CDK13: variants seen among roughly 807,000 people sequenced by gnomAD.
CDK13 encodes cyclin dependent kinase 13.
Under a neutral mutation model 137.6 loss-of-function variants are expected in CDK13, and 40 were observed. The observed-to-expected ratio is 0.29, with a 90% CI of 0.23 to 0.38. The LOEUF (loss-of-function observed/expected upper bound fraction) is 0.38, where lower values mean the gene tolerates loss of function less well. CDK13 is among the 10% of genes least tolerant of loss of function. CDK13 has a pLI of 1.00. For missense variants in CDK13, 1,704 were observed against 1,951.8 expected, an observed-to-expected ratio of 0.87 and a Z score of 2.39; for synonymous variants, 869 against 760.1, an observed-to-expected ratio of 1.14 and a Z score of -2.36.
Position 39,992,343 on chromosome 7 carries a change from G to A in CDK13, c.1871+4085G>A, listed in dbSNP as rs188489532. 8.6e-5 allele frequency among the ~76,000 whole-genome samples: 13 copies of A among 151,992 alleles called. No individual in the cohort carries two copies. The East Asian group carries it at 9.9e-4, about 12-fold the overall frequency. On this transcript the variant is annotated intron_variant, in intron 2 of 13. Coordinates refer to ENST00000181839, the MANE Select transcript of CDK13 (RefSeq NM_003718.5). ...TTCCGGAGTAGCTGGGGTTACAGGC[G>A]CACACCAGCATGCCCAGCTAAATTT...
At chr7:39,953,411 A>G (rs1787300580) in intron 1 of CDK13, among the ~76,000 whole-genome samples, 1 of 152,210 alleles carries the variant, frequency 6.6e-6, no homozygotes, top group South Asian at 2.1e-4. Context: ...CAGCACTTGA[A>G]CAATTTAAAG....
rs1279892568 is a variant in CDK13 at position 39,951,099 on chromosome 7, C to T, written c.458C>T (p.Ser153Phe). The T allele has an allele frequency of 4.0e-6, 5 of 1,259,216 alleles. No individual in the cohort carries two copies. In the Admixed American group the frequency reaches 1.3e-4, roughly 32 times the overall value. 78.0% of individuals were successfully genotyped at this position (1,259,216 alleles called of 1,614,324 possible). A position where few individuals can be genotyped will look rare whatever the true frequency, so the allele number is the denominator to read the frequency against. The change falls in exon 1 of 14, where the codon TCC (serine) becomes TTC (phenylalanine). Residue 153 changes from serine to phenylalanine, a missense_variant. Around this residue, in one of 5 missense-constraint regions of CDK13, gnomAD observed 1,051 missense variants for 931.0 expected, o/e 1.13. Transcript: ENST00000181839. ...LVEYEDVSSQSEQGLLLGGAS... is the reference protein window; with the variant it reads ...LVEYEDVSSQFEQGLLLGGAS... Reference sequence around the variant, plus strand: ...GAATACGAGGATGTGAGCTCCCAGTCCGAGCAGGGGCTGCTGCTGGGGGGG... The same window carrying T: ...GAATACGAGGATGTGAGCTCCCAGTTCGAGCAGGGGCTGCTGCTGGGGGGG...
chr7:40,034,922 AT>A (rs1359302868), intron 5 of CDK13, among the ~76,000 whole-genome samples: 3 of 152,282 alleles, frequency 2.0e-5, no homozygotes, highest in East Asian at 3.9e-4. Context: ...ATTTGTGGAC[AT>A]TGACATTTAC....
At chr7:40,089,511 C>G (rs544110477) in intron 12 of CDK13, among the ~76,000 whole-genome samples, 1 of 151,638 alleles carries the variant, frequency 6.6e-6, no homozygotes, top group African/African-American at 2.4e-5. Flanking sequence ...TTGACTCAGT[C>G]TGTCATAGAG....
rs567157242 is a variant in CDK13, at chr7:40,051,275, T to C, written c.2600+3398T>C. On this transcript the variant is annotated intron_variant, in intron 7 of 13. Coordinates refer to ENST00000181839, the MANE Select transcript of CDK13 (RefSeq NM_003718.5). ...CTTTAAAACTTCTCTTTTTTTTTTT[T>C]AAGAGAATAATTCTGATTTCTTCAG... Among the ~76,000 whole-genome samples, 327 of 151,266 alleles carry C rather than the reference T, an allele frequency of 2.2e-3. 1 individual carries two copies. Among genetic ancestry groups the C allele is most frequent in the African/African-American group, 7.6e-3 (311 of 41,192 alleles).
chr7:40,046,087 G>A, intron 6 of CDK13, 62 bp downstream of exon 6: 6 of 1,013,130 alleles, frequency 5.9e-6, no homozygotes, highest in Non-Finnish European at 8.8e-6. Flanking sequence ...TACATGGAGA[G>A]AATAGACTGG....
At chr7:39,997,381 T>C (rs1784587230) in intron 2 of CDK13, 113 bp from the exon 3 acceptor site, 2 of 818,892 alleles carry the variant, frequency 2.4e-6, no homozygotes, top group Non-Finnish European at 2.0e-6. Context: ...AGTCTTATAA[T>C]GTGAAATACT....
intron 5 of CDK13, among the ~76,000 whole-genome samples, chr7:40,026,550 T>C (rs1785247943): frequency 6.6e-6 from 1 of 152,156 alleles, no homozygotes; most frequent in South Asian, 2.1e-4. Context: ...TTAAAAATAA[T>C]CTGAATATGT....
At chr7:40,005,227 T>C (rs551861165) in intron 5 of CDK13, among the ~76,000 whole-genome samples, 2 of 151,550 alleles carry the variant, frequency 1.3e-5, no homozygotes, top group Admixed American at 6.6e-5. Context: ...AACTTAGCTT[T>C]ACTTAAAAAT....
chr7:40,077,652 C>G (rs1218098942), intron 9 of CDK13, among the ~76,000 whole-genome samples: 1 of 152,068 alleles, frequency 6.6e-6, no homozygotes, highest in Non-Finnish European at 1.5e-5. Context: ...AACAGGGGTT[C>G]AAGACCAGCC....
intron 1 of CDK13, among the ~76,000 whole-genome samples, chr7:39,956,049 C>T (rs894055053): frequency 1.3e-5 from 2 of 151,640 alleles, no homozygotes; most frequent in South Asian, 2.1e-4. Flanking sequence ...AGTGTTTTGT[C>T]CTGAAAACTA....
chr7:39,974,126 G>A (rs1309828778), intron 1 of CDK13, among the ~76,000 whole-genome samples: 28 of 152,154 alleles, frequency 1.8e-4, no homozygotes, highest in Admixed American at 1.8e-3. Flanking sequence ...AAAGCAGCTA[G>A]GATTTTGATA....
At chr7:39,981,704 A>G (rs973305633) in intron 1 of CDK13, among the ~76,000 whole-genome samples, 6 of 152,308 alleles carry the variant, frequency 3.9e-5, no homozygotes, top group Admixed American at 3.3e-4. Flanking sequence ...GTAGAGAAAT[A>G]AAAGAGTTGG....
At chr7:39,991,915 G>A (rs116321693) in intron 2 of CDK13, among the ~76,000 whole-genome samples, 2,734 of 152,058 alleles carry the variant, frequency 0.018, 69 homozygotes, top group African/African-American at 0.063. Flanking sequence ...AGCCTGCTGT[G>A]GTGGTGCAGG....
chr7:39,961,134 G>A (rs1787607439), intron 1 of CDK13, among the ~76,000 whole-genome samples: 1 of 152,016 alleles, frequency 6.6e-6, no homozygotes, highest in Admixed American at 6.6e-5. Context: ...CAAGGTGGAT[G>A]GATTACTTGA....
At chr7:39,963,380 A>G (rs1480953527) in intron 1 of CDK13, among the ~76,000 whole-genome samples, 1 of 152,094 alleles carries the variant, frequency 6.6e-6, no homozygotes. Context: ...TACTCTCTTT[A>G]AAGCAATTGT....
chr7:40,036,197 CAT>C (rs1554332681), intron 5 of CDK13, among the ~76,000 whole-genome samples: 2 of 144,122 alleles, frequency 1.4e-5, no homozygotes, highest in African/African-American at 5.3e-5. Context: ...CACACACACA[CAT>C]ATAAAACCTT....
intron 5 of CDK13, among the ~76,000 whole-genome samples, chr7:40,012,653 G>A (rs1415925345): frequency 3.3e-5 from 5 of 151,800 alleles, no homozygotes; most frequent in Non-Finnish European, 7.4e-5. Context: ...AGTGGCTCAC[G>A]CCTGTAACCC....
rs763928765 is a variant in CDK13 at position 39,997,497 on chromosome 7, A to G, written c.1875A>G (p.Leu625=). 4 of 1,592,492 alleles carry G rather than the reference A, an allele frequency of 2.5e-6. No homozygotes were observed. Among genetic ancestry groups the G allele is most frequent in the Non-Finnish European group, 1.7e-6 (2 of 1,175,076 alleles). Residue 625 remains leucine, a synonymous_variant, in exon 3 of 14, where the codon TTA becomes TTG. Coordinates refer to ENST00000181839, the MANE Select transcript of CDK13 (RefSeq NM_003718.5). ...GTCTGACTTCTTTCACTTTCAGCTT[A>G]CGAGGAAATATTTCAGTAAAAGCAG... The part of the protein sequence containing the change: ...MLPEDKEADS[L]RGNISVKAVK...
Sources: gnomAD v4.1 joint callset for allele counts (sites outside exome capture counted in the v4.1 genomes callset) on GRCh38, gnomAD v4.1.1 for gene constraint, gnomAD v4.1.1 regional missense constraint, MANE v1.5 for transcripts, NCBI Gene and HGNC (gene_info 2026-07-23, HGNC 2026-07-21) for gene names.